Variants in CNBD1 observed in about 807,000 individuals in gnomAD.
CNBD1 encodes the protein cyclic nucleotide binding domain containing 1, also known as cyclic nucleotide-binding domain-containing protein 1.
A neutral mutation model predicts 54.4 loss-of-function variants in CNBD1; 71 were observed. The observed-to-expected ratio is 1.30, with a 90% confidence interval of 1.08 to 1.59. The LOEUF is 1.59. Among genes scored for constraint, CNBD1 ranks in the 40% most tolerant of loss-of-function variants. CNBD1 has a pLI of 0.00. For missense variants in CNBD1, 659 were observed against 518.0 expected (o/e 1.27, Z -2.64); for synonymous variants, 182 against 170.7 (o/e 1.07, Z -0.51).
At chr8:87,134,716 C>T (rs1473251505) in intron 4 of CNBD1, among the ~76,000 whole-genome samples, 3 of 148,894 alleles carry the variant, frequency 2.0e-5, no homozygotes, top group African/African-American at 7.4e-5. Context: ...CATTTTCCTG[C>T]CTCAGCCTCC....
At position 87,376,802 on chromosome 8, in the gene CNBD1, G is replaced by C. The variant is rs1037529065; in HGVS notation, c.1304-5818G>C. 4.6e-5 allele frequency among the ~76,000 whole-genome samples: 7 copies of C among 151,954 alleles called. No individual in the cohort carries two copies. The East Asian group carries it at 1.4e-3, about 30-fold the overall frequency. ...AACTTGCACAAATACATAGAAATTTGTAAGTATTGGAGCCAGAATTCGGAC... is the reference window on the plus strand; with the variant it reads ...AACTTGCACAAATACATAGAAATTTCTAAGTATTGGAGCCAGAATTCGGAC... On this transcript the variant is annotated intron_variant, in intron 10 of 10. Transcript: ENST00000518476.
At chr8:87,222,474 G>T (rs1814361190) in intron 5 of CNBD1, among the ~76,000 whole-genome samples, 1 of 152,144 alleles carries the variant, frequency 6.6e-6, no homozygotes, top group Non-Finnish European at 1.5e-5. Context: ...GAGGAGGCCT[G>T]TTAATTAGGT....
chr8:87,152,565 C>G (rs902472784), intron 4 of CNBD1, among the ~76,000 whole-genome samples: 1 of 151,930 alleles, frequency 6.6e-6, no homozygotes, highest in Admixed American at 6.6e-5. Flanking sequence ...CTGGACAAGG[C>G]TGGTATCGAA....
intron 2 of CNBD1, among the ~76,000 whole-genome samples, chr8:87,414,807 G>A (rs1244032453): frequency 1.3e-5 from 2 of 151,930 alleles, no homozygotes; most frequent in Non-Finnish European, 2.9e-5. Context: ...TTACAATTTA[G>A]TATACATTAT....
chr8:86,957,471 G>T (rs1807808663), intron 4 of CNBD1, among the ~76,000 whole-genome samples: 1 of 151,986 alleles, frequency 6.6e-6, no homozygotes, highest in Admixed American at 6.6e-5. Context: ...GACTTTTTTT[G>T]GTTGGTAGGC....
chr8:87,159,735 T>C (rs186853392), intron 4 of CNBD1, among the ~76,000 whole-genome samples: 1 of 152,234 alleles, frequency 6.6e-6, no homozygotes, highest in Non-Finnish European at 1.5e-5. Context: ...CTGGAAAGCA[T>C]CCTGGCTGTG....
chr8:86,981,558 A>G (rs1808489607), intron 4 of CNBD1, among the ~76,000 whole-genome samples: 2 of 152,184 alleles, frequency 1.3e-5, no homozygotes, highest in African/African-American at 4.8e-5. Flanking sequence ...ATCAAGAGAC[A>G]GAGTTTTATG....
chr8:87,315,247 A>G (rs1809359365), intron 8 of CNBD1, among the ~76,000 whole-genome samples: 1 of 152,112 alleles, frequency 6.6e-6, no homozygotes, highest in Non-Finnish European at 1.5e-5. Flanking sequence ...TTCCAGCTGG[A>G]TCACAAAGCT....
intron 5 of CNBD1, among the ~76,000 whole-genome samples, chr8:87,233,342 C>CCGAAGTTTCATCAA (rs1563517768): frequency 6.6e-6 from 1 of 152,102 alleles, no homozygotes; most frequent in African/African-American, 2.4e-5. Context: ...AGTTTCAGAG[C>CCGAAGTTTCATCAA]ACTGCAACAA....
chr8:87,275,196 G>A lies in CNBD1; in HGVS notation c.772-9482G>A, dbSNP rs1252322517. On this transcript the variant is annotated intron_variant, in intron 6 of 10. Transcript: ENST00000518476. The stretch of plus-strand genomic sequence containing the variant: ...CCGTAGCCTTGTAGTATAGTTTGAA[G>A]TCTGGTAGTGTGATGCCTCCAGCTT... 5.6e-5 allele frequency among the ~76,000 whole-genome samples: 8 copies of A among 141,804 alleles called. 1 individual carries two copies. The highest frequency in any genetic ancestry group is 1.2e-4 in the Non-Finnish European group (8 of 65,034). The allele number at this position is 141,804 out of a possible 152,430, so 93.0% of individuals were successfully genotyped here.
At chr8:87,203,810 A>G (rs1360807332) in intron 4 of CNBD1, among the ~76,000 whole-genome samples, 1 of 152,200 alleles carries the variant, frequency 6.6e-6, no homozygotes, top group Non-Finnish European at 1.5e-5. Flanking sequence ...CTTACACGAT[A>G]CACAATAGCA....
At chr8:86,887,349 A>T (rs548618392) in intron 1 of CNBD1, among the ~76,000 whole-genome samples, 193 bp from the exon 2 acceptor site, 229 of 152,300 alleles carry the variant, frequency 1.5e-3, no homozygotes, top group African/African-American at 5.3e-3. Flanking sequence ...TCAATAAAAA[A>T]CATTAAATTC....
At chr8:87,231,225 C>G (rs770026677) in intron 5 of CNBD1, among the ~76,000 whole-genome samples, 1 of 152,058 alleles carries the variant, frequency 6.6e-6, no homozygotes. Flanking sequence ...TTTAAGTGAA[C>G]ATATATTACT....
intron 10 of CNBD1, among the ~76,000 whole-genome samples, chr8:87,370,647 G>A (rs1165996727): frequency 1.3e-5 from 2 of 151,494 alleles, no homozygotes; most frequent in East Asian, 1.9e-4. Flanking sequence ...AGATGAGTAG[G>A]TTGCAAAAAT....
intron 4 of CNBD1, among the ~76,000 whole-genome samples, chr8:86,958,813 A>C (rs757187551): frequency 1.3e-5 from 2 of 152,160 alleles, no homozygotes; most frequent in Non-Finnish European, 2.9e-5. Context: ...TATTTGGAGC[A>C]TTTAGCCCAT....
chr8:87,222,135 C>T (rs555876616), intron 5 of CNBD1, among the ~76,000 whole-genome samples: 21 of 151,662 alleles, frequency 1.4e-4, no homozygotes, highest in Non-Finnish European at 2.8e-4. Context: ...TATATTTTTC[C>T]TAGGCTTCCA....
chr8:87,106,258 G>A (rs1351307453), intron 4 of CNBD1, among the ~76,000 whole-genome samples: 1 of 150,450 alleles, frequency 6.6e-6, no homozygotes, highest in African/African-American at 2.4e-5. Context: ...CTGTTGCCCA[G>A]GCAGGAGCAC....
intron 4 of CNBD1, among the ~76,000 whole-genome samples, chr8:87,014,159 GAA>G (rs1245601680): frequency 1.3e-5 from 2 of 151,298 alleles, no homozygotes; most frequent in Non-Finnish European, 2.9e-5. Flanking sequence ...AAAAAAACCA[GAA>G]GAGTAGTCAA....
chr8:87,320,616 G>GT (rs1809502774), intron 8 of CNBD1, among the ~76,000 whole-genome samples: 1 of 129,638 alleles, frequency 7.7e-6, no homozygotes, highest in Non-Finnish European at 1.6e-5. Context: ...GCACGTGTGT[G>GT]TGTGGGGGGG....
Sources: gnomAD v4.1 joint callset for allele counts (sites outside exome capture counted in the v4.1 genomes callset) on GRCh38, gnomAD v4.1.1 for gene constraint, MANE v1.5 for transcripts, NCBI Gene and HGNC (gene_info 2026-07-23, HGNC 2026-07-21) for gene names.